The following PCDH11Y variants were observed in gnomAD, a reference collection of about 807,000 sequenced individuals.
PCDH11Y encodes the protein protocadherin-11 Y-linked.
For missense variants in PCDH11Y, 12 were observed against 224.8 expected, an observed-to-expected ratio of 0.05 and a Z score of 6.05; for synonymous variants, 9 against 83.6, an observed-to-expected ratio of 0.11 and a Z score of 4.87.
At chrY:5,325,522 G>T in intron 2 of PCDH11Y, among the ~76,000 whole-genome samples, 1 of 33,243 alleles carries the variant, frequency 3.0e-5, no homozygotes, top group Non-Finnish European at 7.4e-5. Context: ...AATGGAATAA[G>T]AAGGAGAAAA....
chrY:5,288,763 G>T (rs372830466), intron 2 of PCDH11Y, among the ~76,000 whole-genome samples: 1,251 of 26,256 alleles, frequency 0.048, no homozygotes, highest in African/African-American at 0.18. Context: ...GGACTGGCAG[G>T]GGTAGGGTTG....
At chrY:5,728,031 CTG>C (rs2053600135) in intron 4 of PCDH11Y, among the ~76,000 whole-genome samples, 5 of 32,939 alleles carry the variant, frequency 1.5e-4, no homozygotes, top group Admixed American at 2.8e-4. Flanking sequence ...ACGATGTAGA[CTG>C]TTGATTATGG....
chrY:5,201,983 CT>C (rs2052927320), intron 2 of PCDH11Y, among the ~76,000 whole-genome samples: 18 of 33,801 alleles, frequency 5.3e-4, no homozygotes, highest in Non-Finnish European at 1.0e-3. Flanking sequence ...ACCACATTGA[CT>C]TATAACTGTA....
At chrY:5,421,173 G>C (rs2053258106) in intron 2 of PCDH11Y, among the ~76,000 whole-genome samples, 1 of 31,801 alleles carries the variant, frequency 3.1e-5, no homozygotes, top group Non-Finnish European at 7.7e-5. Flanking sequence ...CTGGAAGGTG[G>C]AGGTTGCAGT....
At chrY:5,503,397 AT>A (rs2053355607) in intron 3 of PCDH11Y, among the ~76,000 whole-genome samples, 1 of 33,169 alleles carries the variant, frequency 3.0e-5, no homozygotes, top group East Asian at 7.8e-4. Flanking sequence ...TAATAAACTT[AT>A]GCAAAGGGTA....
chrY:5,240,193 A>G (rs2052986595), intron 2 of PCDH11Y, among the ~76,000 whole-genome samples: 3 of 33,650 alleles, frequency 8.9e-5, no homozygotes, highest in African/African-American at 3.5e-4. Context: ...AAGTTTTATC[A>G]TGATATTGCA....
intron 2 of PCDH11Y, among the ~76,000 whole-genome samples, chrY:5,370,967 A>G (rs2053186320): frequency 3.2e-5 from 1 of 31,221 alleles, no homozygotes; most frequent in Non-Finnish European, 7.7e-5. Context: ...CATCAAAATC[A>G]TAAAACCTAG....
At chrY:5,418,015 A>T (rs2124679210) in intron 2 of PCDH11Y, among the ~76,000 whole-genome samples, 3 of 33,270 alleles carry the variant, frequency 9.0e-5, no homozygotes, top group Non-Finnish European at 1.5e-4. Flanking sequence ...CATTTTAAAA[A>T]TATCATTTTA....
intron 4 of PCDH11Y, among the ~76,000 whole-genome samples, chrY:5,646,563 T>A: frequency 3.1e-5 from 1 of 32,434 alleles, no homozygotes; most frequent in East Asian, 8.2e-4. Flanking sequence ...ATGATGAGAT[T>A]ATTTCACTTT....
chrY:5,258,416 CT>C (rs751578964), intron 2 of PCDH11Y, among the ~76,000 whole-genome samples: 1,929 of 26,611 alleles, frequency 0.072, no homozygotes, highest in East Asian at 0.065. Flanking sequence ...TTTTCTTTTT[CT>C]TTTTTTTTTT....
intron 4 of PCDH11Y, among the ~76,000 whole-genome samples, chrY:5,642,984 T>C (rs2053524202): frequency 3.0e-5 from 1 of 33,411 alleles, no homozygotes; most frequent in African/African-American, 1.2e-4. Flanking sequence ...GTCATGAAAT[T>C]CTTTCTTTTA....
chrY:5,381,125 G>C, intron 2 of PCDH11Y, among the ~76,000 whole-genome samples: 1 of 32,344 alleles, frequency 3.1e-5, no homozygotes, highest in African/African-American at 1.2e-4. Flanking sequence ...CCATAGGATT[G>C]ATTATCCAAC....
intron 3 of PCDH11Y, among the ~76,000 whole-genome samples, chrY:5,564,941 A>T: frequency 3.0e-5 from 1 of 33,128 alleles, no homozygotes; most frequent in Admixed American, 2.8e-4. Context: ...TGTGTATGCA[A>T]ATTTTAAAAA....
rs1569475698 is a variant in PCDH11Y, at chrY:5,163,646, A to G, written c.3129+62939A>G. Among the ~76,000 whole-genome samples, 81 of 32,389 alleles carry G rather than the reference A, an allele frequency of 2.5e-3. No homozygotes were observed. In the East Asian group the frequency reaches 0.069, roughly 28 times the overall value. The allele number at this position is 32,389 out of a possible 37,273, so 86.9% of individuals were successfully genotyped here. On this transcript the variant is annotated intron_variant, in intron 2 of 4. Transcript: ENST00000400457. ...GAGTTCTCATTAGATCTGATCATTT[A>G]AAAGTATGCAGCCCTTCCCCCATGC...
chrY:5,375,918 C>T (rs1602914865), intron 2 of PCDH11Y, among the ~76,000 whole-genome samples: 1 of 32,164 alleles, frequency 3.1e-5, no homozygotes, highest in African/African-American at 1.2e-4. Context: ...TCATATAAAC[C>T]GTTATACTTC....
chrY:5,167,422 A>G (rs1602878836), intron 2 of PCDH11Y, among the ~76,000 whole-genome samples: 1 of 30,861 alleles, frequency 3.2e-5, no homozygotes, highest in African/African-American at 1.3e-4. Flanking sequence ...AAAACATCCA[A>G]TAAACTCGGT....
intron 2 of PCDH11Y, among the ~76,000 whole-genome samples, chrY:5,421,016 G>A (rs2053257328): frequency 3.6e-5 from 1 of 28,117 alleles, no homozygotes; most frequent in Non-Finnish European, 8.2e-5. Flanking sequence ...GACCAGCCTG[G>A]CCACCATGGT....
At chrY:5,519,131 C>A (rs2053376201) in intron 3 of PCDH11Y, among the ~76,000 whole-genome samples, 2 of 32,717 alleles carry the variant, frequency 6.1e-5, no homozygotes, top group African/African-American at 1.2e-4. Context: ...TGGTTCACGC[C>A]TGTAATCCCA....
At chrY:5,089,457 T>C (rs2124633585) in intron 1 of PCDH11Y, among the ~76,000 whole-genome samples, 1 of 32,511 alleles carries the variant, frequency 3.1e-5, no homozygotes, top group Admixed American at 2.9e-4. Flanking sequence ...CTTTCATTCA[T>C]ATATGTGTCC....
Sources: allele counts gnomAD v4.1 joint callset (sites outside exome capture counted in the v4.1 genomes callset), GRCh38; gene constraint gnomAD v4.1.1; transcripts MANE v1.5; gene names NCBI Gene and HGNC (gene_info 2026-07-23, HGNC 2026-07-21).